The following PKP4 variants were observed in gnomAD, a reference collection of about 807,000 sequenced individuals.
PKP4 encodes plakophilin 4.
Under a neutral mutation model 145.1 loss-of-function variants are expected in PKP4, and 90 were observed. The ratio of observed to expected loss-of-function variants is 0.62; its 90% CI spans 0.52 to 0.74. PKP4 has a LOEUF of 0.74. Ranked by LOEUF, PKP4 falls within the 30% of genes least tolerant of loss-of-function variation. The probability of loss-of-function intolerance (pLI) is 0.00; values close to 1 mark genes in which losing one functional copy is unlikely to be tolerated. For synonymous variants in PKP4, 563 were observed against 577.2 expected (o/e 0.98, Z 0.35); for missense variants, 1,340 against 1,482.7 (o/e 0.90, Z 1.58).
intron 1 of PKP4, among the ~76,000 whole-genome samples, chr2:158,517,922 AAAAC>A (rs1279408093): frequency 6.6e-6 from 1 of 152,184 alleles, no homozygotes; most frequent in African/African-American, 2.4e-5. Context: ...TCTCAAAAAA[AAAAC>A]AAAAGAAAAT....
At chr2:158,597,854 T>C (rs2049893438) in intron 3 of PKP4, among the ~76,000 whole-genome samples, 1 of 152,218 alleles carries the variant, frequency 6.6e-6, no homozygotes, top group Non-Finnish European at 1.5e-5. Context: ...TTGCCCAGGC[T>C]GGAGTGTGGT....
intron 2 of PKP4, among the ~76,000 whole-genome samples, chr2:158,567,805 T>C (rs957881234): frequency 1.3e-5 from 2 of 152,160 alleles, no homozygotes; most frequent in Non-Finnish European, 2.9e-5. Context: ...TCTAAATTAA[T>C]GTGAACCTGA....
chr2:158,577,514 G>A, intron 3 of PKP4, 131 bp downstream of exon 3: 1 of 620,118 alleles, frequency 1.6e-6, no homozygotes, highest in East Asian at 2.8e-5. Context: ...AACCAAAAAT[G>A]TCCATTTATT....
chr2:158,587,395 T>C (rs914074486), intron 3 of PKP4, among the ~76,000 whole-genome samples: 4 of 152,102 alleles, frequency 2.6e-5, no homozygotes, highest in African/African-American at 9.6e-5. Flanking sequence ...ATTGAATTAT[T>C]GAATCAAAAT....
chr2:158,578,235 G>A, intron 3 of PKP4: 1 of 228,830 alleles, frequency 4.4e-6, no homozygotes, highest in South Asian at 6.3e-5. Flanking sequence ...GTTTCTGATT[G>A]TTGGTATGAA....
chr2:158,478,241 G>C (rs1692798953), intron 1 of PKP4, among the ~76,000 whole-genome samples: 1 of 151,772 alleles, frequency 6.6e-6, no homozygotes, highest in African/African-American at 2.4e-5. Context: ...GAAGCATTCA[G>C]AAAAATTACT....
At position 158,584,183 on chromosome 2, in the gene PKP4, A is replaced by G. The variant is rs548154330; in HGVS notation, c.245+6800A>G. Among the ~76,000 whole-genome samples, 26 of 152,260 alleles carry G rather than the reference A, an allele frequency of 1.7e-4. 1 individual carries two copies. The South Asian group carries it at 2.9e-3, about 17-fold the overall frequency. On this transcript the variant is annotated intron_variant, in intron 3 of 21. Coordinates refer to ENST00000389759, the MANE Select transcript of PKP4 (RefSeq NM_003628.6). Reference sequence around the variant, plus strand: ...AACCGAGGGTCTGTGGCCCTGCTGTATGGTTCTGCCTGGGCGGTATTCTGA... The same window carrying G: ...AACCGAGGGTCTGTGGCCCTGCTGTGTGGTTCTGCCTGGGCGGTATTCTGA...
chr2:158,502,795 T>G (rs747026036), intron 1 of PKP4, among the ~76,000 whole-genome samples: 2 of 152,232 alleles, frequency 1.3e-5, no homozygotes, highest in Non-Finnish European at 2.9e-5. Context: ...TTGTTTACAT[T>G]TAGTACAACT....
intron 3 of PKP4, among the ~76,000 whole-genome samples, chr2:158,579,323 C>T (rs1027645085): frequency 6.6e-6 from 1 of 151,702 alleles, no homozygotes; most frequent in African/African-American, 2.4e-5. Context: ...GGAATCCAGA[C>T]GAGAGATTAC....
intron 3 of PKP4, among the ~76,000 whole-genome samples, chr2:158,593,518 G>A (rs2049451988): frequency 6.6e-6 from 1 of 151,990 alleles, no homozygotes; most frequent in South Asian, 2.1e-4. Flanking sequence ...TTCCCATATG[G>A]TCTTCTGACT....
intron 1 of PKP4, among the ~76,000 whole-genome samples, chr2:158,523,767 C>T (rs2042668670): frequency 8.8e-6 from 1 of 113,718 alleles, no homozygotes; most frequent in Non-Finnish European, 1.7e-5. Context: ...CTAGAATAAC[C>T]AATACAGAGA....
chr2:158,510,748 G>A (rs1454325190), intron 1 of PKP4, among the ~76,000 whole-genome samples: 1 of 152,216 alleles, frequency 6.6e-6, no homozygotes, highest in African/African-American at 2.4e-5. Context: ...TGCCCAGGCA[G>A]CTGATGGAAG....
intron 3 of PKP4, among the ~76,000 whole-genome samples, chr2:158,580,773 A>G (rs150807167): frequency 6.6e-6 from 1 of 152,284 alleles, no homozygotes; most frequent in East Asian, 1.9e-4. Flanking sequence ...GGATTGCCCT[A>G]CTTTCTTCTC....
At chr2:158,625,613 A>G (rs2052700444) in intron 7 of PKP4, among the ~76,000 whole-genome samples, 186 bp downstream of exon 7, 1 of 152,168 alleles carries the variant, frequency 6.6e-6, no homozygotes, top group South Asian at 2.1e-4. Context: ...AATTATATAC[A>G]TTTATATCAA....
chr2:158,519,935 G>A (rs183490308), intron 1 of PKP4, among the ~76,000 whole-genome samples: 5 of 151,180 alleles, frequency 3.3e-5, no homozygotes, highest in East Asian at 3.9e-4. Context: ...TTTTCATTTC[G>A]TCTCCTCCTA....
chr2:158,518,141 G>A, intron 1 of PKP4, among the ~76,000 whole-genome samples: 1 of 152,184 alleles, frequency 6.6e-6, no homozygotes, highest in Non-Finnish European at 1.5e-5. Flanking sequence ...GGCTCAGTCA[G>A]GTGCCTGGAG....
chr2:158,630,895 C>T (rs1054759579), intron 7 of PKP4, among the ~76,000 whole-genome samples: 7 of 152,114 alleles, frequency 4.6e-5, no homozygotes, highest in Non-Finnish European at 8.8e-5. Flanking sequence ...CTTAGAAAAC[C>T]TACTTTCATC....
At chr2:158,680,373 C>T in intron 21 of PKP4, 56 bp from the exon 22 acceptor site, 1 of 1,328,512 alleles carries the variant, frequency 7.5e-7, no homozygotes, top group Non-Finnish European at 1.0e-6. Context: ...ATTTTCCTAA[C>T]ACATGTATTT....
At chr2:158,507,716 TCA>T (rs1273962724) in intron 1 of PKP4, among the ~76,000 whole-genome samples, 1 of 152,190 alleles carries the variant, frequency 6.6e-6, no homozygotes, top group African/African-American at 2.4e-5. Context: ...TTTTTTTCTC[TCA>T]CACATTTCAA....
Sources: allele counts gnomAD v4.1 joint callset (sites outside exome capture counted in the v4.1 genomes callset), GRCh38; gene constraint gnomAD v4.1.1; transcripts MANE v1.5; gene names NCBI Gene and HGNC (gene_info 2026-07-23, HGNC 2026-07-21).